AP3D1: variants seen among roughly 807,000 people sequenced by gnomAD.
AP3D1 encodes the protein AP-3 complex subunit delta-1.
A neutral mutation model predicts 147.6 loss-of-function variants in AP3D1; 51 were observed. The observed-to-expected ratio is 0.35, with a 90% CI of 0.28 to 0.44. The LOEUF is 0.44. Among genes scored for constraint, AP3D1 ranks in the 20% least tolerant of loss-of-function variants. The pLI, the probability that AP3D1 is intolerant of heterozygous loss-of-function variation, is 1.00. For missense variants in AP3D1, 1,421 were observed against 1,624.2 expected (o/e 0.87, Z 2.15); for synonymous variants, 760 against 663.0 (o/e 1.15, Z -2.25).
intron 1 of AP3D1, among the ~76,000 whole-genome samples, chr19:2,161,105 C>A (rs2144607777): frequency 6.6e-6 from 1 of 151,382 alleles, no homozygotes; most frequent in Admixed American, 6.6e-5. Context: ...TCCTAGGACC[C>A]CCAGGGTCCT....
At chr19:2,103,728 G>A (rs148068193) in intron 31 of AP3D1, among the ~76,000 whole-genome samples, 207 of 152,200 alleles carry the variant, frequency 1.4e-3, no homozygotes, top group African/African-American at 4.5e-3. Flanking sequence ...GACCACCCAC[G>A]TCCTCCACAG....
intron 29 of AP3D1, 80 bp downstream of exon 29, chr19:2,109,793 T>TC: frequency 1.5e-6 from 2 of 1,351,430 alleles, no homozygotes; most frequent in Non-Finnish European, 2.1e-6. Context: ...GAAGCCTCAG[T>TC]CCCCGGGGCA....
chr19:2,132,949 C>T (rs1053999548), intron 4 of AP3D1, among the ~76,000 whole-genome samples: 9 of 152,184 alleles, frequency 5.9e-5, no homozygotes, highest in Non-Finnish European at 1.3e-4. Flanking sequence ...GGCTGAAGCA[C>T]TCTGCGTGGG....
intron 1 of AP3D1, chr19:2,164,097 CCTCCCGCCCGCCCTCCTCCG>C: frequency 7.2e-6 from 1 of 138,714 alleles, no homozygotes; most frequent in Non-Finnish European, 1.6e-5. Flanking sequence ...CCCGCCCCTC[CCTCCCGCCCGCCCTCCTCCG>C]CCCACCGGCG....
chr19:2,155,823 T>C (rs1012365586), upstream of AP3D1, among the ~76,000 whole-genome samples: 4 of 151,560 alleles, frequency 2.6e-5, no homozygotes, highest in Admixed American at 6.6e-5. Flanking sequence ...GAGGCCGAGG[T>C]GGGCGGATCA....
intron 11 of AP3D1, 23 bp downstream of exon 11, chr19:2,123,335 G>T (rs1343814811): frequency 6.2e-7 from 1 of 1,612,548 alleles, no homozygotes; most frequent in Admixed American, 1.7e-5. Flanking sequence ...GAAAATGACA[G>T]CACTGGGGAG....
At chr19:2,111,033 C>A in intron 26 of AP3D1, 137 bp from the exon 27 acceptor site, 1 of 1,056,954 alleles carries the variant, frequency 9.5e-7, no homozygotes, top group Non-Finnish European at 1.4e-6. Flanking sequence ...CGCCCCCTAG[C>A]CGCAGGCCAA....
rs1356645844 is a variant in AP3D1 at position 2,102,677 on chromosome 19, G to A, written c.3553-409C>T. On this transcript the variant is annotated intron_variant, in intron 31 of 31. Transcript: ENST00000643116. ...CGGGAGGTGGACCTTGCAGTGAGCC[G>A]AGATCGCGCCACTGCACTCCAGCCT... is the stretch of plus-strand genomic sequence containing the variant. Among the ~76,000 whole-genome samples the A allele has an allele frequency of 5.3e-5, 8 of 151,282 alleles. No individual in the cohort carries two copies. The South Asian group carries it at 1.2e-3, about 24-fold the overall frequency.
chr19:2,111,816 G>A lies in AP3D1; in HGVS notation c.2800C>T (p.Pro934Ser). The A allele has an allele frequency of 1.2e-6, 2 of 1,613,848 alleles. No homozygotes were observed. Among genetic ancestry groups the A allele is most frequent in the Non-Finnish European group, 1.7e-6 (2 of 1,179,966 alleles). The change falls in exon 25 of 32, where the codon CCT (proline) becomes TCT (serine). Residue 934 changes from proline (P) to serine (S), a missense_variant. Pro to Ser is a moderately conservative substitution (Grantham distance 74). Around this residue, in one of 6 missense-constraint regions of AP3D1, gnomAD observed 791 missense variants for 761.4 expected, o/e 1.04. Coordinates refer to ENST00000643116, the MANE Select transcript of AP3D1 (RefSeq NM_001261826.3). Reference sequence around the variant, plus strand: ...TCCTTCCTGTGCTTCTTCTTCTTAGGCTTGGGAGATTTCTGGAGCAAGAGG... The same window carrying A: ...TCCTTCCTGTGCTTCTTCTTCTTAGACTTGGGAGATTTCTGGAGCAAGAGG... Reference protein sequence around the residue: ...GQDQDKKSPKPKKKKHRKEKE... With the variant: ...GQDQDKKSPKSKKKKHRKEKE...
chr19:2,115,063 C>T lies in AP3D1; in HGVS notation c.2349+156G>A, dbSNP rs77750904. On this transcript the variant is annotated intron_variant, in intron 20 of 31. Coordinates refer to ENST00000643116, the MANE Select transcript of AP3D1 (RefSeq NM_001261826.3). ...GGGGCGGTGCGTCGGGACGCGTGCT[C>T]GAGGACAGAGAGGCCTCTCCTCCTA... 3.0e-4 allele frequency among the ~76,000 whole-genome samples: 45 copies of T among 152,302 alleles called. No individual in the cohort carries two copies. In the East Asian group the frequency reaches 6.8e-3, roughly 23 times the overall value.
intron 4 of AP3D1, among the ~76,000 whole-genome samples, chr19:2,134,937 C>A (rs117962373): frequency 0.018 from 2,789 of 152,062 alleles, 34 homozygotes; most frequent in Middle Eastern, 0.048. Flanking sequence ...ACAAGCCAGG[C>A]GCAGTAATCC....
rs1254121923 is a variant in AP3D1, at chr19:2,127,215, C to T, written c.807-14G>A. The T allele has an allele frequency of 1.9e-6, 3 of 1,613,174 alleles. No homozygotes were observed. The African/African-American group carries it at 4.0e-5, about 22-fold the overall frequency. On this transcript the variant is annotated splice_polypyrimidine_tract_variant and intron_variant, in intron 8 of 31. Transcript: ENST00000643116. ...ATGGCAGACGTGCTAAGGAAAGGAA[C>T]ACAGGGAAGCGGCATGAGGACTGGG...
chr19:2,127,100 C>T, intron 9 of AP3D1, 52 bp downstream of exon 9: 2 of 1,597,820 alleles, frequency 1.3e-6, no homozygotes, highest in Admixed American at 1.7e-5. Context: ...CCACCTGAGA[C>T]CCCAGCCTGG....
intron 26 of AP3D1, 124 bp from the exon 27 acceptor site, chr19:2,111,020 G>T (rs1424866166): frequency 8.7e-7 from 1 of 1,152,960 alleles, no homozygotes; most frequent in East Asian, 2.6e-5. Flanking sequence ...GCACGGAGAG[G>T]GGCGCCCCCT....
At chr19:2,122,843 T>C (rs2018648965) in intron 11 of AP3D1, among the ~76,000 whole-genome samples, 1 of 152,190 alleles carries the variant, frequency 6.6e-6, no homozygotes, top group Non-Finnish European at 1.5e-5. Context: ...GGCTTCAAAA[T>C]GAGCATCCAA....
At chr19:2,130,938 G>C (rs1412799835) in intron 5 of AP3D1, among the ~76,000 whole-genome samples, 1 of 152,232 alleles carries the variant, frequency 6.6e-6, no homozygotes, top group Non-Finnish European at 1.5e-5. Context: ...CCAGGGAGTC[G>C]CCTCGAACTG....
chr19:2,137,013 T>C lies in AP3D1; in HGVS notation c.352A>G (p.Lys118Glu). The C allele has an allele frequency of 6.3e-7, 1 of 1,587,326 alleles. No homozygotes were observed. Among genetic ancestry groups the C allele is most frequent in the African/African-American group, 1.3e-5 (1 of 74,116 alleles). ...GGCCCCGGCCCGGGAACACCCACCT[T>C]ACGGATCTGATTGGTGGTCAGCATG... The part of the protein sequence containing the change: ...VIMLTTNQIR[K>E]DLSSPSQYDT... The change falls in exon 4 of 32, where the codon AAG becomes GAG. Residue 118 changes from lysine (K) to glutamate (E), a missense_variant and splice_region_variant. By Grantham distance (56) the Lys-to-Glu change is moderately conservative. Coordinates refer to ENST00000643116, the MANE Select transcript of AP3D1 (RefSeq NM_001261826.3).
chr19:2,152,149 G>C (rs1278481267), upstream of AP3D1, among the ~76,000 whole-genome samples: 1 of 152,208 alleles, frequency 6.6e-6, no homozygotes, highest in Non-Finnish European at 1.5e-5. Context: ...AAGGCCCATT[G>C]TGTGCCAGGC....
intron 1 of AP3D1, among the ~76,000 whole-genome samples, chr19:2,141,983 T>C (rs35288362): frequency 0.32 from 47,841 of 149,522 alleles, 8,919 homozygotes; most frequent in Non-Finnish European, 0.43. Flanking sequence ...CTTGTTTACA[T>C]ATATATACAT....
Sources: gnomAD v4.1 joint callset for allele counts (sites outside exome capture counted in the v4.1 genomes callset) on GRCh38, gnomAD v4.1.1 for gene constraint, gnomAD v4.1.1 regional missense constraint, MANE v1.5 for transcripts, NCBI Gene and HGNC (gene_info 2026-07-23, HGNC 2026-07-21) for gene names.